Variants in KCNMA1 observed in about 807,000 individuals in gnomAD.
KCNMA1 encodes the protein potassium calcium-activated channel subfamily M alpha 1.
Under a neutral mutation model 140.0 loss-of-function variants are expected in KCNMA1, and 29 were observed. The observed-to-expected ratio is 0.21, with a 90% CI of 0.15 to 0.28. KCNMA1 has a LOEUF of 0.28. Ranked by LOEUF, KCNMA1 falls within the 10% of genes least tolerant of loss-of-function variation. The probability of loss-of-function intolerance (pLI) is 1.00; values close to 1 mark genes in which losing one functional copy is unlikely to be tolerated. For synonymous variants in KCNMA1, 612 were observed against 611.9 expected (o/e 1.00, Z 0.00); for missense variants, 880 against 1,602.2 (o/e 0.55, Z 7.70).
rs73291905 is a variant in KCNMA1, at chr10:77,110,411, C to T, written c.961-68G>A. ...TTGAAGTGTATACATGCAATAAACG[C>T]GGAAGCTCGGCACTCTCGAAGGCCA... On this transcript the variant is annotated intron_variant, in intron 7 of 27. Transcript: ENST00000286628. 2,307 of 1,373,456 alleles carry T rather than the reference C, an allele frequency of 1.7e-3. 13 individuals are homozygous for T. In the African/African-American group the frequency reaches 0.021, roughly 13 times the overall value. The allele number at this position is 1,373,456 out of a possible 1,614,324, so 85.1% of individuals were successfully genotyped here. A position where few individuals can be genotyped will look rare whatever the true frequency, so the allele number is the denominator to read the frequency against.
intron 14 of KCNMA1, among the ~76,000 whole-genome samples, chr10:77,061,737 C>T (rs2095758308): frequency 6.6e-6 from 1 of 152,168 alleles, no homozygotes; most frequent in Non-Finnish European, 1.5e-5. Context: ...ATGATCGCCC[C>T]AACTGGAGGA....
At chr10:77,459,733 G>A (rs917055486) in intron 1 of KCNMA1, among the ~76,000 whole-genome samples, 4 of 152,174 alleles carry the variant, frequency 2.6e-5, no homozygotes, top group East Asian at 1.9e-4. Flanking sequence ...CCAGGGGCCC[G>A]CTCTTGGCAT....
At chr10:77,321,841 A>C (rs2082424259) in intron 2 of KCNMA1, among the ~76,000 whole-genome samples, 1 of 152,202 alleles carries the variant, frequency 6.6e-6, no homozygotes, top group Non-Finnish European at 1.5e-5. Flanking sequence ...AGTTCCATTC[A>C]GTTTTTAGGA....
chr10:76,913,870 T>G, intron 24 of KCNMA1: 1 of 564,840 alleles, frequency 1.8e-6, no homozygotes, highest in Non-Finnish European at 3.1e-6. Flanking sequence ...GGGGAAAAAA[T>G]CATTAAGAAA....
intron 1 of KCNMA1, among the ~76,000 whole-genome samples, chr10:77,427,979 C>A (rs1277705652): frequency 6.6e-6 from 1 of 152,040 alleles, no homozygotes; most frequent in East Asian, 1.9e-4. Context: ...TCTTGATCTC[C>A]TGACCTTGTA....
intron 17 of KCNMA1, among the ~76,000 whole-genome samples, chr10:77,016,968 T>G (rs1327327609): frequency 6.6e-6 from 1 of 152,142 alleles, no homozygotes; most frequent in African/African-American, 2.4e-5. Context: ...CTTTCTGTGG[T>G]TTTTTGCAGT....
chr10:77,328,139 C>A (rs74748735), intron 2 of KCNMA1, among the ~76,000 whole-genome samples: 2,448 of 152,276 alleles, frequency 0.016, 70 homozygotes, highest in African/African-American at 0.056. Flanking sequence ...CTATTCATAT[C>A]CCCAAGATTT....
At chr10:77,414,670 T>C (rs1338679717) in intron 1 of KCNMA1, among the ~76,000 whole-genome samples, 1 of 151,804 alleles carries the variant, frequency 6.6e-6, no homozygotes, top group Non-Finnish European at 1.5e-5. Flanking sequence ...TTTTTTTTCC[T>C]AGTAAGATGG....
At chr10:77,483,342 G>A (rs2098423883) in intron 1 of KCNMA1, among the ~76,000 whole-genome samples, 1 of 152,214 alleles carries the variant, frequency 6.6e-6, no homozygotes, top group South Asian at 2.1e-4. Context: ...TCACAGCAGA[G>A]CCCAGCTCCT....
intron 1 of KCNMA1, among the ~76,000 whole-genome samples, chr10:77,580,200 T>C (rs753030818): frequency 6.6e-6 from 1 of 151,926 alleles, no homozygotes; most frequent in Non-Finnish European, 1.5e-5. Flanking sequence ...GCTAACATAG[T>C]GAAACCCCGT....
At chr10:77,472,268 C>G (rs1294947878) in intron 1 of KCNMA1, among the ~76,000 whole-genome samples, 1 of 150,572 alleles carries the variant, frequency 6.6e-6, no homozygotes, top group Non-Finnish European at 1.5e-5. Context: ...CATAGCACAC[C>G]TAGGCACACT....
downstream of KCNMA1, chr10:76,873,028 T>C (rs1366700657): frequency 1.3e-5 from 2 of 152,136 alleles, no homozygotes; most frequent in Non-Finnish European, 2.9e-5. Context: ...TCAGAATTCT[T>C]TCTCCAATCT....
At chr10:77,286,250 C>A (rs1465096424) in intron 2 of KCNMA1, among the ~76,000 whole-genome samples, 1 of 152,040 alleles carries the variant, frequency 6.6e-6, no homozygotes, top group African/African-American at 2.4e-5. Context: ...AAAAAGAAAA[C>A]CCAGATCATT....
At chr10:77,529,246 G>GCCA (rs2056916534) in intron 1 of KCNMA1, among the ~76,000 whole-genome samples, 1 of 110,556 alleles carries the variant, frequency 9.0e-6, no homozygotes. Flanking sequence ...TTTTCCCCCT[G>GCCA]CACCACTCTG....
intron 3 of KCNMA1, among the ~76,000 whole-genome samples, chr10:77,237,371 G>A (rs1007989875): frequency 4.6e-5 from 7 of 152,184 alleles, no homozygotes; most frequent in African/African-American, 7.2e-5. Context: ...CAGCTACAAA[G>A]TAGTAGAGCC....
At chr10:77,118,192 C>T (rs143437422) in intron 6 of KCNMA1, among the ~76,000 whole-genome samples, 9 of 152,310 alleles carry the variant, frequency 5.9e-5, no homozygotes, top group African/African-American at 2.2e-4. Context: ...ACATGGGTCC[C>T]CCAACCCACC....
chr10:77,091,526 G>C (rs2096817488), intron 9 of KCNMA1: 1 of 152,230 alleles, frequency 6.6e-6, no homozygotes, highest in Non-Finnish European at 1.5e-5. Flanking sequence ...GCCAGGGACT[G>C]ACTGTGGAGA....
intron 6 of KCNMA1, among the ~76,000 whole-genome samples, chr10:77,115,683 A>G (rs2097442964): frequency 6.6e-6 from 1 of 152,132 alleles, no homozygotes. Flanking sequence ...GTGATTACTA[A>G]ACTCTAAATG....
chr10:77,473,344 T>A (rs1051180497), intron 1 of KCNMA1, among the ~76,000 whole-genome samples: 8 of 152,160 alleles, frequency 5.3e-5, no homozygotes, highest in Admixed American at 6.5e-5. Context: ...TGAAGGCTCT[T>A]GCAATTATCT....
Sources: gnomAD v4.1 joint callset for allele counts (sites outside exome capture counted in the v4.1 genomes callset) on GRCh38, gnomAD v4.1.1 for gene constraint, MANE v1.5 for transcripts, NCBI Gene and HGNC (gene_info 2026-07-23, HGNC 2026-07-21) for gene names.